OR51L1: variants seen among roughly 807,000 people sequenced by gnomAD.
OR51L1 encodes olfactory receptor family 51 subfamily L member 1.
In OR51L1, 1 loss-of-function variant was observed where a neutral mutation model predicts 1.4. That is an observed-to-expected ratio of 0.72 (90% confidence interval 0.26 to 3.42). The LOEUF (loss-of-function observed/expected upper bound fraction) is 3.42. Ranked by LOEUF, OR51L1 falls within the 30% of genes most tolerant of loss-of-function variation. The pLI is 0.20. For synonymous variants in OR51L1, 156 were observed against 144.2 expected (o/e 1.08, Z -0.59); for missense variants, 378 against 380.0 (o/e 0.99, Z 0.04).
At chr11:4,996,304 C>G (rs949459988) in intron 1 of OR51L1, among the ~76,000 whole-genome samples, 1 of 149,578 alleles carries the variant, frequency 6.7e-6, no homozygotes, top group Non-Finnish European at 1.5e-5. Flanking sequence ...ATGTATATGT[C>G]TATGTATATG....
In OR51L1 at chr11:4,999,123, C is replaced by G; in HGVS notation, c.141C>G (p.Ile47Met). Residue 47 changes from isoleucine (I) to methionine (M), a missense_variant, in exon 3 of 3, where the codon ATC becomes ATG. Physicochemically the swap from Ile to Met is conservative, Grantham distance 10. Transcript: ENST00000641819. ...TAGCATTTATGGGTAATGTTACCAT[C>G]CTGTCTGTCATTTGGATAGAATCCT... ...YLVAFMGNVTILSVIWIESSL... is the reference protein window; with the variant it reads ...YLVAFMGNVTMLSVIWIESSL... The G allele has an allele frequency of 6.2e-7, 1 of 1,614,052 alleles. No individual in the cohort carries two copies. The highest frequency in any genetic ancestry group is 2.2e-5 in the East Asian group (1 of 44,878).
rs750726834 is a variant in OR51L1 at position 4,999,316 on chromosome 11, C to T, written c.334C>T (p.Leu112=). The change falls in exon 3 of 3, where the codon CTG becomes TTG. Residue 112 remains leucine (L), a synonymous_variant. Transcript: ENST00000641819. The part of the protein sequence containing the change: ...QLFFIHTFTF[L]ESSVLLAMAF... ...GTTCTTCATCCACACATTCACATTC[C>T]TGGAGTCCTCAGTGTTGCTGGCCAT... 1.1e-5 allele frequency: 18 copies of T among 1,614,008 alleles called. No homozygotes were observed. The highest frequency in any genetic ancestry group is 1.5e-5 in the Non-Finnish European group (18 of 1,180,030).
At position 5,003,266 on chromosome 11, in the gene OR51L1, A is replaced by G. The variant is rs930643629; in HGVS notation, c.*3336A>G. 8 of 151,866 alleles carry G rather than the reference A, an allele frequency of 5.3e-5. No homozygotes were observed. The highest frequency in any genetic ancestry group is 7.3e-5 in the African/African-American group (3 of 41,282). The allele number at this position is 151,866 out of a possible 1,614,324, so 9.4% of individuals were successfully genotyped here. A position where few individuals can be genotyped will look rare whatever the true frequency, so the allele number is the denominator to read the frequency against. ...CCCTTAGAGTGGGCTACCCACATGC[A>G]CAGTGCCCTCCTTACCCTTAGGAAG... is the stretch of plus-strand genomic sequence containing the variant. On this transcript the variant is annotated 3_prime_UTR_variant, in exon 3 of 3. Coordinates refer to ENST00000641819, the MANE Select transcript of OR51L1 (RefSeq NM_001004755.2).
Position 5,000,902 on chromosome 11 carries a change from TG to T in OR51L1, c.*974del, listed in dbSNP as rs1847124684. 1 of 152,328 alleles carries T rather than the reference TG, an allele frequency of 6.6e-6. No homozygotes were observed. Among genetic ancestry groups the T allele is most frequent in the Non-Finnish European group, 1.5e-5 (1 of 68,204 alleles). 9.4% of individuals were successfully genotyped at this position (152,328 alleles called of 1,614,324 possible). ...TTGGTTTGTTTTAAGACTTGGTCTA[TG>T]GAACTTCTTTTTCTTTCTTTTTCTT... On this transcript the variant is annotated 3_prime_UTR_variant, in exon 3 of 3. Transcript: ENST00000641819.
intron 1 of OR51L1, among the ~76,000 whole-genome samples, chr11:4,997,195 T>C (rs1847081007): frequency 6.6e-6 from 1 of 152,146 alleles, no homozygotes; most frequent in African/African-American, 2.4e-5. Flanking sequence ...TCTCATTACA[T>C]GGAGAAGAGG....
intron 1 of OR51L1, among the ~76,000 whole-genome samples, chr11:4,996,887 CAGG>C: frequency 6.6e-6 from 1 of 151,598 alleles, no homozygotes; most frequent in African/African-American, 2.4e-5. Flanking sequence ...AACTGTACAA[CAGG>C]AGGTCAAAAA....
chr11:4,997,233 T>C (rs1011060448), intron 1 of OR51L1, among the ~76,000 whole-genome samples: 3 of 152,158 alleles, frequency 2.0e-5, no homozygotes, highest in Admixed American at 6.6e-5. Context: ...GTTCCTCAGA[T>C]ACAGATTCTA....
At chr11:4,997,338 A>T (rs534393029) in intron 1 of OR51L1, 144 bp from the exon 2 acceptor site, 1 of 152,312 alleles carries the variant, frequency 6.6e-6, no homozygotes, top group African/African-American at 2.4e-5. Flanking sequence ...AGGGATTTTT[A>T]AAATAAAGCT....
In OR51L1 at chr11:5,002,588, G is replaced by A; in HGVS notation, c.*2658G>A. ...CTTTTCAGGAATTGCCTCAGCTGGA[G>A]AAATGAGCCTTGCCTGGGGTCATCC... On this transcript the variant is annotated 3_prime_UTR_variant, in exon 3 of 3. Coordinates refer to ENST00000641819, the MANE Select transcript of OR51L1 (RefSeq NM_001004755.2). 6.6e-6 allele frequency: 1 copy of A among 151,918 alleles called. No homozygotes were observed. The highest frequency in any genetic ancestry group is 6.6e-5 in the Admixed American group (1 of 15,244). 9.4% of individuals were successfully genotyped at this position (151,918 alleles called of 1,614,324 possible).
chr11:4,998,783 G>T, intron 2 of OR51L1, 41 bp from the exon 3 acceptor site: 1 of 557,566 alleles, frequency 1.8e-6, no homozygotes, highest in Non-Finnish European at 3.1e-6. Context: ...TTTTGTTCCA[G>T]AATTTGTGCT....
chr11:4,999,021 A>G lies in OR51L1; in HGVS notation c.39A>G (p.Ile13Met), dbSNP rs1257082250. 2 of 1,613,876 alleles carry G rather than the reference A, an allele frequency of 1.2e-6. No individual in the cohort carries two copies. Among genetic ancestry groups the G allele is most frequent in the Non-Finnish European group, 1.7e-6 (2 of 1,179,856 alleles). ...DWNNSDAVEP[I>M]FILRGFPGLE... is the part of the protein sequence containing the mutation. ...ATAACAGTGATGCTGTGGAGCCCAT[A>G]TTTATCCTGAGGGGTTTTCCTGGAC... Residue 13 changes from isoleucine to methionine, a missense_variant, in exon 3 of 3, where the codon ATA becomes ATG. Ile to Met is a conservative substitution (Grantham distance 10, BLOSUM62 1). Coordinates refer to ENST00000641819, the MANE Select transcript of OR51L1 (RefSeq NM_001004755.2).
intron 2 of OR51L1, among the ~76,000 whole-genome samples, chr11:4,998,384 T>C (rs1035538829): frequency 1.3e-5 from 2 of 152,084 alleles, no homozygotes; most frequent in East Asian, 3.8e-4. Flanking sequence ...TCTGGTATTA[T>C]GGATTCTGTT....
In OR51L1 at chr11:5,001,519, T is replaced by A. The variant is rs992638886; in HGVS notation, c.*1589T>A. On this transcript the variant is annotated 3_prime_UTR_variant, in exon 3 of 3. Coordinates refer to ENST00000641819, the MANE Select transcript of OR51L1 (RefSeq NM_001004755.2). ...TCTTAATTTGTGAATGGGTTAAGAGTTGTGCACAATCTCAACCCTCATCTT... is the reference window on the plus strand; with the variant it reads ...TCTTAATTTGTGAATGGGTTAAGAGATGTGCACAATCTCAACCCTCATCTT... The A allele has an allele frequency of 2.6e-5, 4 of 151,872 alleles. No homozygotes were observed. Among genetic ancestry groups the A allele is most frequent in the African/African-American group, 9.7e-5 (4 of 41,314 alleles). The allele number at this position is 151,872 out of a possible 1,614,324, so 9.4% of individuals were successfully genotyped here.
rs1488260628 is a variant in OR51L1 at position 5,003,642 on chromosome 11, T to C, written c.*3712T>C. ...AACATAGAAAGATAAAATAAAATTC[T>C]CAAGGATTCCTTTTTTTCAGGCAGA... On this transcript the variant is annotated 3_prime_UTR_variant, in exon 3 of 3. Transcript: ENST00000641819. The C allele has an allele frequency of 6.6e-6, 1 of 152,114 alleles. No homozygotes were observed. The highest frequency in any genetic ancestry group is 1.5e-5 in the Non-Finnish European group (1 of 68,030). 9.4% of individuals were successfully genotyped at this position (152,114 alleles called of 1,614,324 possible). A position where few individuals can be genotyped will look rare whatever the true frequency, so the allele number is the denominator to read the frequency against.
At chr11:4,996,575 C>T (rs1039591024) in intron 1 of OR51L1, among the ~76,000 whole-genome samples, 9 of 152,008 alleles carry the variant, frequency 5.9e-5, no homozygotes, top group African/African-American at 2.2e-4. Context: ...TATTTCAGGA[C>T]TGAAAGAATT....
In OR51L1 at chr11:5,000,953, C is replaced by T. The variant is rs1194127952; in HGVS notation, c.*1023C>T. On this transcript the variant is annotated 3_prime_UTR_variant, in exon 3 of 3. Coordinates refer to ENST00000641819, the MANE Select transcript of OR51L1 (RefSeq NM_001004755.2). ...TTTGAGACTGAGTCTTGCTCTGTCA[C>T]CCAGGTGGAAGTGCAATGGCGTGAT... is the stretch of plus-strand genomic sequence containing the variant. 6.6e-6 allele frequency: 1 copy of T among 152,328 alleles called. No homozygotes were observed. The highest frequency in any genetic ancestry group is 1.9e-4 in the East Asian group (1 of 5,188). 9.4% of individuals were successfully genotyped at this position (152,328 alleles called of 1,614,324 possible).
At chr11:4,998,189 TCACAAACA>T (rs1490524568) in intron 2 of OR51L1, among the ~76,000 whole-genome samples, 1 of 92,786 alleles carries the variant, frequency 1.1e-5, no homozygotes, top group Non-Finnish European at 2.2e-5. Flanking sequence ...AACTCTTATT[TCACAAACA>T]CACACACACA....
In OR51L1 at chr11:5,000,077, A is replaced by G. The variant is rs1847116585; in HGVS notation, c.*147A>G. ...ATGTAATTTCAGTTAATCTTTAACCAATATGAAACTCAGGATTTTTTTGGA... is the reference window on the plus strand; with the variant it reads ...ATGTAATTTCAGTTAATCTTTAACCGATATGAAACTCAGGATTTTTTTGGA... On this transcript the variant is annotated 3_prime_UTR_variant, in exon 3 of 3. Coordinates refer to ENST00000641819, the MANE Select transcript of OR51L1 (RefSeq NM_001004755.2). 5 of 865,616 alleles carry G rather than the reference A, an allele frequency of 5.8e-6. No individual in the cohort carries two copies. In the South Asian group the frequency reaches 9.5e-5, roughly 16 times the overall value. 53.6% of individuals were successfully genotyped at this position (865,616 alleles called of 1,614,324 possible). A position where few individuals can be genotyped will look rare whatever the true frequency, so the allele number is the denominator to read the frequency against.
chr11:5,000,071 T>A lies in OR51L1; in HGVS notation c.*141T>A. 1 of 910,826 alleles carries A rather than the reference T, an allele frequency of 1.1e-6. No homozygotes were observed. Among genetic ancestry groups the A allele is most frequent in the Non-Finnish European group, 1.6e-6 (1 of 635,226 alleles). The allele number at this position is 910,826 out of a possible 1,614,324, so 56.4% of individuals were successfully genotyped here. A position where few individuals can be genotyped will look rare whatever the true frequency, so the allele number is the denominator to read the frequency against. On this transcript the variant is annotated 3_prime_UTR_variant, in exon 3 of 3. Transcript: ENST00000641819. ...TTATACATGTAATTTCAGTTAATCT[T>A]TAACCAATATGAAACTCAGGATTTT...
Sources: gnomAD v4.1 joint callset for allele counts (sites outside exome capture counted in the v4.1 genomes callset) on GRCh38, gnomAD v4.1.1 for gene constraint, MANE v1.5 for transcripts, NCBI Gene and HGNC (gene_info 2026-07-23, HGNC 2026-07-21) for gene names.